KAZN: variants seen among roughly 807,000 people sequenced by gnomAD.
KAZN encodes kazrin, periplakin interacting protein.
KAZN carries 40 observed loss-of-function variants against 87.4 expected under a neutral mutation model. That is an observed-to-expected ratio of 0.46 (90% CI 0.36 to 0.60). The LOEUF is 0.60. Among genes scored for constraint, KAZN ranks in the 20% least tolerant of loss-of-function variants. The pLI is 0.00. For missense variants in KAZN, 898 were observed against 1,073.9 expected (o/e 0.84, Z 2.29); for synonymous variants, 466 against 458.3 (o/e 1.02, Z -0.22).
chr1:14,500,959 G>T (rs761977943), intron 2 of KAZN, among the ~76,000 whole-genome samples: 51 of 151,950 alleles, frequency 3.4e-4, no homozygotes, highest in Non-Finnish European at 5.4e-4. Flanking sequence ...GTTTTAAAAA[G>T]TTCCCACAAA....
At chr1:14,108,629 C>T (rs569209916) in intron 1 of KAZN, among the ~76,000 whole-genome samples, 2 of 152,220 alleles carry the variant, frequency 1.3e-5, no homozygotes, top group South Asian at 2.1e-4. Flanking sequence ...CAACTATCTC[C>T]CAGGGAGCAG....
chr1:14,999,911 CTGGTGGGG>C (rs1668294541), intron 2 of KAZN, among the ~76,000 whole-genome samples: 1 of 152,164 alleles, frequency 6.6e-6, no homozygotes, highest in Non-Finnish European at 1.5e-5. Context: ...AGGGCAGGGG[CTGGTGGGG>C]TGGGCACAAC....
chr1:15,065,625 C>G lies in KAZN; in HGVS notation c.1099-5C>G, dbSNP rs1468917580. ...CCCTCTTCCACGTGGCTCCTGACTCCTCAGTCACTAGAGGATCTTGAAGAC... is the reference window on the plus strand; with the variant it reads ...CCCTCTTCCACGTGGCTCCTGACTCGTCAGTCACTAGAGGATCTTGAAGAC... On this transcript the variant is annotated splice_polypyrimidine_tract_variant and splice_region_variant and intron_variant, in intron 7 of 14. Coordinates refer to ENST00000376030, the MANE Select transcript of KAZN (RefSeq NM_201628.3). 6.2e-7 allele frequency: 1 copy of G among 1,606,058 alleles called. No homozygotes were observed. Among genetic ancestry groups the G allele is most frequent in the Non-Finnish European group, 8.5e-7 (1 of 1,174,754 alleles).
intron 1 of KAZN, among the ~76,000 whole-genome samples, chr1:14,714,595 T>C (rs1237660638): frequency 1.3e-5 from 2 of 151,956 alleles, no homozygotes; most frequent in African/African-American, 4.8e-5. Flanking sequence ...AGCAATCCTG[T>C]CCTCTTGTGA....
intron 2 of KAZN, among the ~76,000 whole-genome samples, chr1:15,014,151 G>A (rs887707561): frequency 2.6e-5 from 4 of 152,042 alleles, no homozygotes; most frequent in East Asian, 3.9e-4. Flanking sequence ...AATGAGTCTC[G>A]AATCCTTCAG....
intron 2 of KAZN, among the ~76,000 whole-genome samples, chr1:15,027,193 T>A (rs1035186348): frequency 9.5e-5 from 14 of 147,750 alleles, no homozygotes; most frequent in East Asian, 4.2e-4. Context: ...GCCATTCTCC[T>A]GCCTCAGCCT....
At chr1:14,479,663 G>A (rs554259282) in intron 2 of KAZN, among the ~76,000 whole-genome samples, 4 of 152,094 alleles carry the variant, frequency 2.6e-5, no homozygotes, top group African/African-American at 7.2e-5. Context: ...TTCTATCATC[G>A]CTCCTATTGT....
chr1:15,092,071 T>TTG (rs1553188355), intron 8 of KAZN, among the ~76,000 whole-genome samples: 2 of 139,624 alleles, frequency 1.4e-5, no homozygotes, highest in African/African-American at 2.8e-5. Flanking sequence ...TTTTTTTTTT[T>TTG]GATTTTTTTT....
At chr1:14,471,465 C>A (rs150967734) in intron 2 of KAZN, among the ~76,000 whole-genome samples, 1 of 152,118 alleles carries the variant, frequency 6.6e-6, no homozygotes, top group African/African-American at 2.4e-5. Flanking sequence ...GACATTGCAT[C>A]GACTTTGGCT....
chr1:14,038,683 A>T (rs1641668442), intron 1 of KAZN, among the ~76,000 whole-genome samples: 1 of 152,136 alleles, frequency 6.6e-6, no homozygotes, highest in African/African-American at 2.4e-5. Context: ...CTGCCTTTCA[A>T]AGGACACAGG....
At chr1:14,670,326 G>C (rs1419723427) in intron 1 of KAZN, among the ~76,000 whole-genome samples, 1 of 152,162 alleles carries the variant, frequency 6.6e-6, no homozygotes, top group Non-Finnish European at 1.5e-5. Flanking sequence ...GCGAGCCTCA[G>C]AGGCACCTGG....
intron 2 of KAZN, among the ~76,000 whole-genome samples, chr1:14,574,236 C>G (rs927203159): frequency 5.3e-5 from 8 of 152,202 alleles, no homozygotes; most frequent in African/African-American, 1.4e-4. Context: ...TTCATGACGT[C>G]TCCCTGCACT....
chr1:14,244,214 T>C (rs967297856), intron 2 of KAZN, among the ~76,000 whole-genome samples: 2 of 152,210 alleles, frequency 1.3e-5, no homozygotes, highest in Non-Finnish European at 2.9e-5. Context: ...TCCTGTTCCC[T>C]CCACTTGGAT....
intron 2 of KAZN, among the ~76,000 whole-genome samples, chr1:15,006,930 A>T (rs905329514): frequency 6.6e-6 from 1 of 151,784 alleles, no homozygotes; most frequent in South Asian, 2.1e-4. Flanking sequence ...GGTGGCGGGC[A>T]CCTGTAGTCC....
intron 1 of KAZN, among the ~76,000 whole-genome samples, chr1:14,627,617 G>GCTTA (rs1423291289): frequency 3.3e-5 from 5 of 152,172 alleles, no homozygotes; most frequent in Non-Finnish European, 5.9e-5. Context: ...TATTCCTAGG[G>GCTTA]CTTAGCACAG....
chr1:15,007,067 A>T (rs1669092983), intron 2 of KAZN, among the ~76,000 whole-genome samples: 1 of 150,700 alleles, frequency 6.6e-6, no homozygotes, highest in Admixed American at 6.6e-5. Context: ...AAAAAAAAAA[A>T]AAAAAAAAAA....
intron 1 of KAZN, among the ~76,000 whole-genome samples, chr1:14,645,165 T>C (rs1288762225): frequency 3.3e-5 from 5 of 152,360 alleles, no homozygotes; most frequent in African/African-American, 1.2e-4. Flanking sequence ...TCTGTGTACC[T>C]GTTTTTGTAC....
intron 2 of KAZN, among the ~76,000 whole-genome samples, chr1:14,573,475 G>A (rs1305994406): frequency 1.3e-5 from 2 of 151,972 alleles, no homozygotes; most frequent in South Asian, 4.2e-4. Context: ...GTGAAACCCC[G>A]TCTCTACTAA....
At chr1:14,396,184 A>C (rs889959645) in intron 2 of KAZN, among the ~76,000 whole-genome samples, 2 of 151,144 alleles carry the variant, frequency 1.3e-5, no homozygotes, top group African/African-American at 4.9e-5. Context: ...AAAAAAAAAA[A>C]CTGCAACAAA....
Sources: allele counts gnomAD v4.1 joint callset (sites outside exome capture counted in the v4.1 genomes callset), GRCh38; gene constraint gnomAD v4.1.1; transcripts MANE v1.5; gene names NCBI Gene and HGNC (gene_info 2026-07-23, HGNC 2026-07-21).